AFTPH: variants seen among roughly 807,000 people sequenced by gnomAD.
AFTPH encodes aftiphilin, also known as aftiphilin protein.
AFTPH carries 7 observed loss-of-function variants against 72.5 expected under a neutral mutation model. The observed-to-expected ratio is 0.10, with a 90% confidence interval of 0.05 to 0.18. AFTPH has a LOEUF of 0.18. Among genes scored for constraint, AFTPH ranks in the 10% least tolerant of loss-of-function variants. The pLI is 1.00. For synonymous variants in AFTPH, 337 were observed against 370.1 expected, an observed-to-expected ratio of 0.91 and a Z score of 1.03; for missense variants, 979 against 1,060.5, an observed-to-expected ratio of 0.92 and a Z score of 1.07.
At position 64,591,925 on chromosome 2, in the gene AFTPH, A is replaced by G. The variant is rs3770719; in HGVS notation, c.2620A>G (p.Ile874Val). The G allele has an allele frequency of 2.9e-5, 47 of 1,614,088 alleles. No individual in the cohort carries two copies. The East Asian group carries it at 9.4e-4, about 32-fold the overall frequency. ...AGAAGAGCACCTAAGTGAAGAAGCT[A>G]TCAAGGTGATCGCTGGCCTTCCTGA... The change falls in exon 9 of 9, where the codon ATC becomes GTC. Residue 874 changes from isoleucine to valine, a missense_variant. Ile to Val is a conservative substitution (Grantham distance 29). This residue lies in a region of AFTPH where 438 missense variants were observed against 530.0 expected (regional missense o/e 0.83). Transcript: ENST00000238856.
At chr2:64,552,029 G>T (rs377276676) in exon 2 of AFTPH, 2 of 1,613,830 alleles carry the variant, frequency 1.2e-6, no homozygotes, top group Non-Finnish European at 1.7e-6. Context: ...TAACAAATGG[G>T]TTTGCAGTGT....
intron 3 of AFTPH, 83 bp from the exon 4 acceptor site, chr2:64,569,009 T>TG: frequency 6.9e-7 from 1 of 1,455,516 alleles, no homozygotes; most frequent in South Asian, 1.1e-5. Flanking sequence ...ATGTGTGTTA[T>TG]GTCACAGCCA....
chr2:64,576,662 G>A (rs770623025), intron 6 of AFTPH, among the ~76,000 whole-genome samples: 6 of 152,094 alleles, frequency 3.9e-5, no homozygotes, highest in Non-Finnish European at 5.9e-5. Flanking sequence ...TCTAGTCACC[G>A]GTAGCAACTT....
At chr2:64,553,208 A>G (rs1370143913) in exon 2 of AFTPH, 2 of 1,614,194 alleles carry the variant, frequency 1.2e-6, no homozygotes, top group Non-Finnish European at 1.7e-6. Context: ...TTGAGGATGA[A>G]CAAAAAGATA....
At chr2:64,585,971 A>G (rs978331176) in intron 8 of AFTPH, among the ~76,000 whole-genome samples, 1 of 152,088 alleles carries the variant, frequency 6.6e-6, no homozygotes, top group Non-Finnish European at 1.5e-5. Flanking sequence ...TGGTTCTTGG[A>G]ATTTTCATTG....
chr2:64,558,093 T>G (rs1331652107), intron 2 of AFTPH, among the ~76,000 whole-genome samples: 1 of 152,208 alleles, frequency 6.6e-6, no homozygotes, highest in East Asian at 1.9e-4. Flanking sequence ...AATGGAAGAT[T>G]AAATTACCCA....
exon 9 of AFTPH, chr2:64,592,792 C>A (rs1341054746): frequency 1.3e-5 from 2 of 152,444 alleles, no homozygotes; most frequent in African/African-American, 4.8e-5. Flanking sequence ...GGATTTTGCA[C>A]AGTGTAAAAT....
exon 1 of AFTPH, chr2:64,524,478 G>A (rs905784735): frequency 6.7e-5 from 27 of 401,230 alleles, no homozygotes; most frequent in African/African-American, 2.5e-4. Flanking sequence ...TGGTGCTGCT[G>A]CGCTGACAGG....
rs113736334 is a variant in AFTPH at position 64,581,969 on chromosome 2, A to G, written c.2455+2423A>G. Among the ~76,000 whole-genome samples, 128 of 152,384 alleles carry G rather than the reference A, an allele frequency of 8.4e-4. 2 individuals carry two copies. Among genetic ancestry groups the G allele is most frequent in the African/African-American group, 2.8e-3 (115 of 41,598 alleles). ...GTGCCTGTTAATGTTCAGCCCTGCA[A>G]AAGTTCAGTTCATTGACCAAAGGAC... On this transcript the variant is annotated intron_variant, in intron 7 of 8. Transcript: ENST00000238856.
At chr2:64,580,169 G>A (rs1445095822) in intron 7 of AFTPH, 1 of 152,638 alleles carries the variant, frequency 6.6e-6, no homozygotes, top group African/African-American at 2.4e-5. Context: ...GTAATGTAAT[G>A]TGGGCTCTTT....
chr2:64,552,328 T>C, exon 2 of AFTPH: 1 of 1,614,094 alleles, frequency 6.2e-7, no homozygotes. Context: ...GGTAGAAGCT[T>C]GGATAACAAA....
chr2:64,543,572 T>A (rs1489645706), intron 1 of AFTPH, among the ~76,000 whole-genome samples: 1 of 152,140 alleles, frequency 6.6e-6, no homozygotes, highest in Non-Finnish European at 1.5e-5. Context: ...AATCAGATAT[T>A]TTTTTTCCTG....
intron 1 of AFTPH, among the ~76,000 whole-genome samples, chr2:64,532,956 CAT>C (rs1558590544): frequency 6.6e-6 from 1 of 152,262 alleles, no homozygotes; most frequent in East Asian, 1.9e-4. Flanking sequence ...TACCGTTTGA[CAT>C]ATGTGTAATT....
intron 1 of AFTPH, among the ~76,000 whole-genome samples, chr2:64,535,010 A>G (rs372151039): frequency 6.6e-6 from 1 of 152,178 alleles, no homozygotes; most frequent in African/African-American, 2.4e-5. Flanking sequence ...TTAATATTGT[A>G]AACTCCTTGT....
At position 64,551,634 on chromosome 2, in the gene AFTPH, C is replaced by T. The variant is rs757559539; in HGVS notation, c.160C>T (p.Arg54Cys). 2.2e-5 allele frequency: 35 copies of T among 1,613,850 alleles called. No individual in the cohort carries two copies. In the Middle Eastern group the frequency reaches 4.9e-4, roughly 23 times the overall value. The stretch of plus-strand genomic sequence containing the variant: ...TGATTTCGATACACCAGATTATACT[C>T]GTCCCAAGGAAGAGTTTGTACCTTC... The change falls in exon 2 of 9, where the codon CGT (arginine) becomes TGT (cysteine). Residue 54 changes from arginine to cysteine, a missense_variant. By Grantham distance (180) the Arg-to-Cys change is radical. Transcript: ENST00000238856.
At chr2:64,590,459 A>G (rs1018439932) in intron 8 of AFTPH, among the ~76,000 whole-genome samples, 2 of 152,214 alleles carry the variant, frequency 1.3e-5, no homozygotes, top group Non-Finnish European at 2.9e-5. Context: ...AGTGGTGCTG[A>G]GATTGACGAT....
chr2:64,553,470 C>T lies in AFTPH; in HGVS notation c.1935+61C>T, dbSNP rs2103949492. ...TAATTGTTGTGGAGGCTTCTAATTT[C>T]AGCTTTTCAAAAAATATTTTTTCAA... On this transcript the variant is annotated intron_variant, in intron 2 of 8. Transcript: ENST00000238856. 9 of 1,480,400 alleles carry T rather than the reference C, an allele frequency of 6.1e-6. No individual in the cohort carries two copies. In the South Asian group the frequency reaches 1.3e-4, roughly 21 times the overall value. The allele number at this position is 1,480,400 out of a possible 1,614,324, so 91.7% of individuals were successfully genotyped here.
intron 6 of AFTPH, chr2:64,578,846 C>G (rs146261887): frequency 6.6e-6 from 1 of 152,472 alleles, no homozygotes; most frequent in Non-Finnish European, 1.5e-5. Flanking sequence ...CGTGAGCCAC[C>G]GTGCCCTGCC....
rs201724817 is a variant in AFTPH, at chr2:64,553,072, A to G, written c.1598A>G (p.Glu533Gly). ...GTTGCAAAACTTAAAAATGGGCAAG[A>G]AGGTGAGATTGGACATTTTGATTCT... Residue 533 changes from glutamate (E) to glycine (G), a missense_variant, in exon 2 of 9, where the codon GAA (glutamate) becomes GGA (glycine). Around this residue, in one of 3 missense-constraint regions of AFTPH, gnomAD observed 438 missense variants for 530.0 expected, o/e 0.83. Coordinates refer to ENST00000238856, the Ensembl canonical transcript of AFTPH. 1.8e-4 allele frequency: 288 copies of G among 1,614,100 alleles called. 1 individual carries two copies. Among genetic ancestry groups the G allele is most frequent in the Middle Eastern group, 1.3e-3 (8 of 6,084 alleles).
Sources: allele counts gnomAD v4.1 joint callset (sites outside exome capture counted in the v4.1 genomes callset), GRCh38; gene constraint gnomAD v4.1.1; regional missense constraint gnomAD v4.1.1; transcripts MANE v1.5; gene names NCBI Gene and HGNC (gene_info 2026-07-23, HGNC 2026-07-21).